Variants in GPC5 observed in about 807,000 individuals in gnomAD.
GPC5 encodes the protein glypican 5, also known as glypican-5.
Under a neutral mutation model 53.9 loss-of-function variants are expected in GPC5, and 47 were observed. The observed-to-expected ratio is 0.87, with a 90% confidence interval of 0.69 to 1.11. The LOEUF is 1.11. Among genes scored for constraint, GPC5 ranks in the 50% most tolerant of loss-of-function variants. The pLI is 0.00. For missense variants in GPC5, 748 were observed against 713.1 expected (o/e 1.05, Z -0.56); for synonymous variants, 286 against 263.3 (o/e 1.09, Z -0.84).
At chr13:92,461,835 T>C (rs1262069798) in intron 7 of GPC5, among the ~76,000 whole-genome samples, 1 of 152,160 alleles carries the variant, frequency 6.6e-6, no homozygotes, top group East Asian at 1.9e-4. Context: ...AAATAAACAT[T>C]TGTTGTTTAA....
intron 7 of GPC5, among the ~76,000 whole-genome samples, chr13:92,180,216 G>A (rs2042136811): frequency 2.6e-5 from 4 of 152,058 alleles, no homozygotes; most frequent in Admixed American, 2.6e-4. Context: ...TATACCACAG[G>A]GCTAAATTCC....
chr13:91,863,305 A>G (rs866255385), intron 5 of GPC5, among the ~76,000 whole-genome samples: 1 of 152,044 alleles, frequency 6.6e-6, no homozygotes, highest in Non-Finnish European at 1.5e-5. Flanking sequence ...CTTGGCTTCT[A>G]TCCTGTTATT....
intron 7 of GPC5, among the ~76,000 whole-genome samples, chr13:92,379,352 C>G (rs1470787611): frequency 6.6e-6 from 1 of 152,208 alleles, no homozygotes; most frequent in Non-Finnish European, 1.5e-5. Context: ...AGAAGAGCTG[C>G]ACTTTTTTAT....
chr13:92,742,463 T>C (rs1198824161), intron 7 of GPC5, among the ~76,000 whole-genome samples: 2 of 151,718 alleles, frequency 1.3e-5, no homozygotes, highest in Non-Finnish European at 2.9e-5. Flanking sequence ...TTGAGTTCTT[T>C]GTAGATTCTG....
intron 7 of GPC5, among the ~76,000 whole-genome samples, chr13:92,145,847 CCA>C (rs1342794255): frequency 1.3e-5 from 2 of 152,140 alleles, no homozygotes; most frequent in Non-Finnish European, 2.9e-5. Context: ...TCCCTCAAAA[CCA>C]CACAGAGCTG....
intron 7 of GPC5, among the ~76,000 whole-genome samples, chr13:92,768,251 G>A (rs1452897509): frequency 2.0e-5 from 3 of 152,082 alleles, no homozygotes; most frequent in African/African-American, 2.4e-5. Context: ...ACTTTTTGGT[G>A]ATTATTGATA....
chr13:92,365,438 A>G (rs562597228), intron 7 of GPC5, among the ~76,000 whole-genome samples: 3 of 151,810 alleles, frequency 2.0e-5, no homozygotes, highest in East Asian at 3.9e-4. Flanking sequence ...GGGAAGGCCT[A>G]GGACACTACA....
At chr13:91,574,840 T>A (rs2032074433) in intron 2 of GPC5, among the ~76,000 whole-genome samples, 1 of 152,144 alleles carries the variant, frequency 6.6e-6, no homozygotes, top group Non-Finnish European at 1.5e-5. Context: ...GTCCATGTTC[T>A]AATACTCCTA....
intron 7 of GPC5, among the ~76,000 whole-genome samples, chr13:92,297,962 C>A (rs1383403546): frequency 1.3e-5 from 2 of 152,070 alleles, no homozygotes; most frequent in African/African-American, 2.4e-5. Flanking sequence ...AGATGTGCCA[C>A]CTTAAGAGCT....
At chr13:92,043,211 T>C (rs754243263) in intron 6 of GPC5, among the ~76,000 whole-genome samples, 11 of 151,950 alleles carry the variant, frequency 7.2e-5, no homozygotes, top group Non-Finnish European at 1.2e-4. Context: ...ATTGAAGAAA[T>C]AGTGGTTGAA....
At chr13:92,537,995 A>G (rs34832811) in intron 7 of GPC5, among the ~76,000 whole-genome samples, 21,670 of 152,052 alleles carry the variant, frequency 0.14, 2,036 homozygotes, top group Non-Finnish European at 0.21. Flanking sequence ...TTAATTTTTC[A>G]TGTTAAGAAG....
intron 6 of GPC5, among the ~76,000 whole-genome samples, chr13:92,058,415 A>C (rs2041093775): frequency 1.3e-5 from 2 of 152,188 alleles, no homozygotes; most frequent in South Asian, 2.1e-4. Context: ...GTTTCCATAC[A>C]GCCCATCCCT....
At chr13:92,765,248 C>A (rs1190687558) in intron 7 of GPC5, among the ~76,000 whole-genome samples, 2 of 152,128 alleles carry the variant, frequency 1.3e-5, no homozygotes, top group Non-Finnish European at 2.9e-5. Context: ...ATGTTGCATA[C>A]AGCCTGATGA....
chr13:92,118,002 G>C (rs958573654), intron 6 of GPC5, among the ~76,000 whole-genome samples: 11 of 152,180 alleles, frequency 7.2e-5, no homozygotes, highest in Non-Finnish European at 1.5e-5. Context: ...AGTGGTAGAA[G>C]AGCTAACTTC....
intron 7 of GPC5, among the ~76,000 whole-genome samples, chr13:92,288,016 T>C (rs2042968111): frequency 6.6e-6 from 1 of 152,116 alleles, no homozygotes; most frequent in Non-Finnish European, 1.5e-5. Flanking sequence ...GATTCTTCCT[T>C]ACATCTGCTA....
At chr13:91,734,362 G>A (rs2036769050) in intron 4 of GPC5, among the ~76,000 whole-genome samples, 1 of 151,338 alleles carries the variant, frequency 6.6e-6, no homozygotes, top group Admixed American at 6.6e-5. Flanking sequence ...AGTATGTCTA[G>A]TTCAAATCTG....
At chr13:92,429,683 A>T (rs1415000620) in intron 7 of GPC5, among the ~76,000 whole-genome samples, 1 of 152,060 alleles carries the variant, frequency 6.6e-6, no homozygotes, top group Non-Finnish European at 1.5e-5. Flanking sequence ...GTTATATAAA[A>T]ATCTAGAATT....
chr13:91,830,726 A>G (rs1357580851), intron 5 of GPC5, among the ~76,000 whole-genome samples: 4 of 145,694 alleles, frequency 2.7e-5, no homozygotes, highest in South Asian at 2.1e-4. Context: ...ATATATATAT[A>G]TGTGTATATA....
At chr13:92,568,000 T>C (rs1882912825) in intron 7 of GPC5, among the ~76,000 whole-genome samples, 1 of 152,072 alleles carries the variant, frequency 6.6e-6, no homozygotes, top group Admixed American at 6.6e-5. Flanking sequence ...GGCTGAGCAA[T>C]AGAGACTAAC....
Sources: gnomAD v4.1 joint callset for allele counts (sites outside exome capture counted in the v4.1 genomes callset) on GRCh38, gnomAD v4.1.1 for gene constraint, MANE v1.5 for transcripts, NCBI Gene and HGNC (gene_info 2026-07-23, HGNC 2026-07-21) for gene names.